Variants in IRAK1BP1 observed in about 807,000 individuals in gnomAD.
The protein encoded by IRAK1BP1 is interleukin 1 receptor associated kinase 1 binding protein 1.
IRAK1BP1 carries 24 observed loss-of-function variants against 28.0 expected under a neutral mutation model. That is an observed-to-expected ratio of 0.86 (90% CI 0.62 to 1.20). The LOEUF (loss-of-function observed/expected upper bound fraction) is 1.20. Among genes scored for constraint, IRAK1BP1 ranks in the 50% most tolerant of loss-of-function variants. The pLI, the probability that IRAK1BP1 is intolerant of heterozygous loss-of-function variation, is 0.00. For synonymous variants in IRAK1BP1, 131 were observed against 116.3 expected (o/e 1.13, Z -0.81); for missense variants, 336 against 316.7 (o/e 1.06, Z -0.46).
At chr6:78,946,927 G>C, downstream of IRAK1BP1, 2 of 1,112,242 alleles carry the variant, frequency 1.8e-6, no homozygotes, top group Non-Finnish European at 2.6e-6. Context: ...AAATACCTTT[G>C]TTCAGTAAAT....
intron 2 of IRAK1BP1, among the ~76,000 whole-genome samples, chr6:78,896,005 T>C (rs1771869350): frequency 6.6e-6 from 1 of 152,144 alleles, no homozygotes; most frequent in African/African-American, 2.4e-5. Flanking sequence ...TCAAAAAATT[T>C]AAAATACATA....
chr6:78,936,979 G>A (rs1460802963), intron 4 of IRAK1BP1: 1 of 151,758 alleles, frequency 6.6e-6, no homozygotes, highest in Non-Finnish European at 1.5e-5. Context: ...TCTTGCCTAA[G>A]TGTAACAAAA....
Position 78,902,495 on chromosome 6 carries a change from G to C in IRAK1BP1, c.*4161G>C, listed in dbSNP as rs540384457. The C allele has an allele frequency of 6.5e-6, 1 of 153,836 alleles. No homozygotes were observed. The highest frequency in any genetic ancestry group is 6.5e-5 in the Admixed American group (1 of 15,502). 9.5% of individuals were successfully genotyped at this position (153,836 alleles called of 1,614,324 possible). ...TTATTTAAAATGCCCGGGTAGGCCA[G>C]GCACGTTGGCTCACGCCTGTAATCC... On this transcript the variant is annotated 3_prime_UTR_variant, in exon 4 of 4. Transcript: ENST00000369940.
intron 4 of IRAK1BP1, chr6:78,939,889 T>C (rs1773400901): frequency 6.6e-6 from 1 of 152,524 alleles, no homozygotes; most frequent in African/African-American, 2.4e-5. Context: ...CTTTAGAATA[T>C]ATAGCCTTTC....
the IRAK1BP1 span, among the ~76,000 whole-genome samples, chr6:78,965,266 A>C: frequency 3.3e-5 from 5 of 152,192 alleles, no homozygotes; most frequent in Non-Finnish European, 7.3e-5. Context: ...AGTACTAAAA[A>C]GTTGGGGTGT....
intron 4 of IRAK1BP1, among the ~76,000 whole-genome samples, chr6:78,928,073 A>T (rs142268348): frequency 5.9e-4 from 89 of 152,014 alleles, no homozygotes; most frequent in Non-Finnish European, 1.1e-3. Context: ...TTCTGTGGGG[A>T]ATGTCATTGG....
At chr6:78,913,507 A>G (rs1271368079) in intron 4 of IRAK1BP1, among the ~76,000 whole-genome samples, 2 of 152,090 alleles carry the variant, frequency 1.3e-5, no homozygotes, top group Non-Finnish European at 2.9e-5. Context: ...TTAGCTGCGC[A>G]TAGTGGCACA....
intron 4 of IRAK1BP1, among the ~76,000 whole-genome samples, chr6:78,929,847 A>C (rs1257330279): frequency 6.6e-6 from 1 of 152,196 alleles, no homozygotes; most frequent in African/African-American, 2.4e-5. Context: ...TGAACATATA[A>C]GCTAATATTA....
At chr6:78,869,912 C>A (rs1770732793) in intron 1 of IRAK1BP1, among the ~76,000 whole-genome samples, 2 of 151,854 alleles carry the variant, frequency 1.3e-5, no homozygotes, top group Non-Finnish European at 2.9e-5. Context: ...AGTTCAAGAC[C>A]AGCCTGACCA....
intron 4 of IRAK1BP1, among the ~76,000 whole-genome samples, chr6:78,941,533 C>A (rs183384093): frequency 2.6e-5 from 4 of 152,182 alleles, no homozygotes; most frequent in African/African-American, 9.6e-5. Flanking sequence ...AGATTCTTAA[C>A]GATCTCATGA....
intron 4 of IRAK1BP1, among the ~76,000 whole-genome samples, chr6:78,911,179 G>T (rs1772407186): frequency 6.6e-6 from 1 of 151,910 alleles, no homozygotes; most frequent in East Asian, 1.9e-4. Context: ...CTTGAGACCG[G>T]GCCACCTCCC....
chr6:78,956,363 T>G, the IRAK1BP1 span: 1 of 152,156 alleles, frequency 6.6e-6, no homozygotes, highest in Non-Finnish European at 1.5e-5. Flanking sequence ...CTTTCTCACT[T>G]TCATAAATTA....
rs1334202233 is a variant in IRAK1BP1, at chr6:78,885,386, T to C, written c.324T>C (p.Asn108=). 2.5e-6 allele frequency: 4 copies of C among 1,577,734 alleles called. No individual in the cohort carries two copies. Among genetic ancestry groups the C allele is most frequent in the Non-Finnish European group, 3.5e-6 (4 of 1,152,494 alleles). Residue 108 remains asparagine (N), a synonymous_variant, in exon 2 of 4, where the codon AAT becomes AAC. Transcript: ENST00000369940. ...SLQQQGVQAE[N]ITVTKDFRRV... is the part of the protein sequence containing the mutation. Reference sequence around the variant, plus strand: ...GACTTTTTCTGTTTCAGGCAGAAAATATAACTGTGACAAAGGATTTTAGGA... The same window carrying C: ...GACTTTTTCTGTTTCAGGCAGAAAACATAACTGTGACAAAGGATTTTAGGA...
At chr6:78,938,968 G>T (rs1238496759) in intron 4 of IRAK1BP1, 1 of 151,532 alleles carries the variant, frequency 6.6e-6, no homozygotes, top group Non-Finnish European at 1.5e-5. Context: ...CTACATCAGG[G>T]TCATGCTGAT....
chr6:78,970,674 C>G, the IRAK1BP1 span: 9 of 694,214 alleles, frequency 1.3e-5, no homozygotes, highest in Non-Finnish European at 2.2e-5. Flanking sequence ...AACAAGGTAT[C>G]TTCATGATGC....
intron 2 of IRAK1BP1, among the ~76,000 whole-genome samples, chr6:78,887,813 A>G (rs1771484446): frequency 6.6e-6 from 1 of 152,222 alleles, no homozygotes. Flanking sequence ...CAAAAAATTA[A>G]AAATAGAACT....
chr6:78,939,398 C>G (rs1246926981), intron 4 of IRAK1BP1: 2 of 151,608 alleles, frequency 1.3e-5, no homozygotes, highest in Admixed American at 6.6e-5. Context: ...GCAATGAGAC[C>G]ACTGTATAAA....
intron 1 of IRAK1BP1, among the ~76,000 whole-genome samples, chr6:78,873,580 G>T (rs1364019518): frequency 6.6e-6 from 1 of 151,992 alleles, no homozygotes; most frequent in Admixed American, 6.6e-5. Flanking sequence ...CGGGGCTCAA[G>T]CTATCCTCCC....
chr6:78,957,634 G>C, the IRAK1BP1 span: 1 of 145,074 alleles, frequency 6.9e-6, no homozygotes, highest in Admixed American at 6.9e-5. Context: ...AAAAATGAAA[G>C]CTGATAACAG....
Sources: allele counts gnomAD v4.1 joint callset (sites outside exome capture counted in the v4.1 genomes callset), GRCh38; gene constraint gnomAD v4.1.1; transcripts MANE v1.5; gene names NCBI Gene and HGNC (gene_info 2026-07-23, HGNC 2026-07-21).